BYSL: variants seen among roughly 807,000 people sequenced by gnomAD.
BYSL encodes the protein bystin like.
In BYSL, 21 loss-of-function variants were observed where a neutral mutation model predicts 45.4. The observed-to-expected ratio is 0.46, with a 90% confidence interval of 0.33 to 0.67. BYSL has a LOEUF of 0.67. Ranked by LOEUF, BYSL falls within the 30% of genes least tolerant of loss-of-function variation. BYSL has a pLI of 0.02. For missense variants in BYSL, 522 were observed against 578.5 expected, an observed-to-expected ratio of 0.90 and a Z score of 1.00; for synonymous variants, 215 against 231.3, an observed-to-expected ratio of 0.93 and a Z score of 0.64.
chr6:41,917,768 T>C, upstream of BYSL: 3 of 471,332 alleles, frequency 6.4e-6, no homozygotes, highest in Non-Finnish European at 4.4e-6. Flanking sequence ...AAGGGAAAAG[T>C]CTCCGTTTGG....
intron 1 of BYSL, among the ~76,000 whole-genome samples, chr6:41,924,093 G>A (rs1218390488): frequency 2.1e-5 from 3 of 145,098 alleles, no homozygotes; most frequent in Admixed American, 1.4e-4. Flanking sequence ...ACAGAGTCTC[G>A]CTCCGTCACC....
upstream of BYSL, among the ~76,000 whole-genome samples, chr6:41,919,739 G>A (rs1461855988): frequency 6.6e-6 from 1 of 152,112 alleles, no homozygotes; most frequent in East Asian, 1.9e-4. Context: ...AGACCTGCAT[G>A]TACAAAACAG....
chr6:41,909,248 C>G, the BYSL span: 60 of 1,608,656 alleles, frequency 3.7e-5, no homozygotes, highest in East Asian at 1.2e-3. Context: ...CATCCTGCTC[C>G]TATTTTCACC....
Position 41,932,781 on chromosome 6 carries a change from C to T in BYSL, c.*75C>T. ...CCCCCGTTGGTGACTGAAGATGACACTGAGCTTTAATGGCTGAAGACCCAG... is the reference window on the plus strand; with the variant it reads ...CCCCCGTTGGTGACTGAAGATGACATTGAGCTTTAATGGCTGAAGACCCAG... On this transcript the variant is annotated 3_prime_UTR_variant, in exon 7 of 7. Coordinates refer to ENST00000230340, the MANE Select transcript of BYSL (RefSeq NM_004053.4). The surrounding 1 kb of genome is among the most constrained non-coding windows in gnomAD (Gnocchi z 4.7). 2 of 1,454,586 alleles carry T rather than the reference C, an allele frequency of 1.4e-6. No homozygotes were observed. Among genetic ancestry groups the T allele is most frequent in the Non-Finnish European group, 1.9e-6 (2 of 1,073,566 alleles). The allele number at this position is 1,454,586 out of a possible 1,614,324, so 90.1% of individuals were successfully genotyped here. A position where few individuals can be genotyped will look rare whatever the true frequency, so the allele number is the denominator to read the frequency against.
chr6:41,918,491 C>A (rs1367895164), upstream of BYSL, among the ~76,000 whole-genome samples: 1 of 144,366 alleles, frequency 6.9e-6, no homozygotes, highest in Non-Finnish European at 1.5e-5. Context: ...ACAACAAGAG[C>A]GAAACTCCAT....
chr6:41,924,756 G>A (rs530964616), intron 1 of BYSL, among the ~76,000 whole-genome samples: 9 of 152,308 alleles, frequency 5.9e-5, no homozygotes, highest in East Asian at 3.9e-4. Context: ...GAAGGTGACC[G>A]TCTGCAGAGT....
intron 1 of BYSL, among the ~76,000 whole-genome samples, chr6:41,927,166 T>G (rs1036393546): frequency 2.0e-5 from 3 of 152,152 alleles, no homozygotes; most frequent in African/African-American, 7.2e-5. Context: ...CCATTGCTTT[T>G]CTTATTGTTT....
At chr6:41,928,843 G>A (rs576798793) in intron 2 of BYSL, among the ~76,000 whole-genome samples, 29 of 152,256 alleles carry the variant, frequency 1.9e-4, no homozygotes, top group South Asian at 8.3e-4. Flanking sequence ...ATAAGTTTCC[G>A]TGTCCTATAA....
the BYSL span, chr6:41,909,463 C>A: frequency 1.2e-6 from 2 of 1,614,254 alleles, no homozygotes; most frequent in Admixed American, 1.7e-5. Context: ...TCAAAGAGGG[C>A]GAAACAGCTC....
At chr6:41,917,047 G>A (rs200544611), upstream of BYSL, 97 of 1,168,168 alleles carry the variant, frequency 8.3e-5, no homozygotes, top group Admixed American at 5.2e-4. Flanking sequence ...AAGTTATCTT[G>A]GAAATTACCT....
Position 41,932,214 on chromosome 6 carries a change from T to G in BYSL, c.969-147T>G. The G allele has an allele frequency of 1.3e-6, 1 of 764,528 alleles. No individual in the cohort carries two copies. The highest frequency in any genetic ancestry group is 2.2e-6 in the Non-Finnish European group (1 of 460,880). The allele number at this position is 764,528 out of a possible 1,614,324, so 47.4% of individuals were successfully genotyped here. A position where few individuals can be genotyped will look rare whatever the true frequency, so the allele number is the denominator to read the frequency against. On this transcript the variant is annotated intron_variant, in intron 6 of 6. Transcript: ENST00000230340. The surrounding 1 kb of genome is among the most constrained non-coding windows in gnomAD (Gnocchi z 4.7). The stretch of plus-strand genomic sequence containing the variant: ...CTGAGGTCAAGGGAGTATAATATGA[T>G]TGTGTAGGTGAGAAGGTCCCTGGGG...
At chr6:41,922,924 T>C (rs1185625116) in intron 1 of BYSL, among the ~76,000 whole-genome samples, 1 of 152,142 alleles carries the variant, frequency 6.6e-6, no homozygotes, top group Non-Finnish European at 1.5e-5. Flanking sequence ...TTTAGACTCC[T>C]CTCTCTCCCT....
At chr6:41,920,231 T>G (rs913486461), upstream of BYSL, among the ~76,000 whole-genome samples, 5 of 152,150 alleles carry the variant, frequency 3.3e-5, no homozygotes, top group Admixed American at 3.3e-4. Context: ...CCTAAAGAGA[T>G]AAAGTGCCTG....
upstream of BYSL, chr6:41,917,745 T>C (rs1357986320): frequency 2.1e-6 from 1 of 470,964 alleles, no homozygotes; most frequent in Non-Finnish European, 4.4e-6. Flanking sequence ...ACTCTTTCAG[T>C]TCTGACTACA....
chr6:41,931,861 T>A (rs13198962), intron 6 of BYSL, 31 bp downstream of exon 6: 2 of 1,571,430 alleles, frequency 1.3e-6, no homozygotes, highest in Non-Finnish European at 1.8e-6. Context: ...AGGGGGCTGG[T>A]CAGTGGATAT....
At chr6:41,916,698 G>A, upstream of BYSL, 1 of 1,507,430 alleles carries the variant, frequency 6.6e-7, no homozygotes, top group Non-Finnish European at 9.1e-7. Flanking sequence ...ACCACCTTTA[G>A]CAGAAAAGCA....
In BYSL at chr6:41,932,588, A is replaced by C; in HGVS notation, c.1196A>C (p.Glu399Ala). ...GCCGACTTGGCCACAGACCAGAAAG[A>C]GGCCCTCTTAGAACTGCTCCGGCTG... Reference protein sequence around the residue: ...YKADLATDQKEALLELLRLQP... With the variant: ...YKADLATDQKAALLELLRLQP... The change falls in exon 7 of 7, where the codon GAG (glutamate) becomes GCG (alanine). Residue 399 changes from glutamate to alanine, a missense_variant. Glu to Ala is a moderately radical substitution (Grantham distance 107, BLOSUM62 -1). Transcript: ENST00000230340. The surrounding 1 kb of genome is among the most constrained non-coding windows in gnomAD (Gnocchi z 4.7). The C allele has an allele frequency of 6.2e-7, 1 of 1,614,198 alleles. No individual in the cohort carries two copies. Among genetic ancestry groups the C allele is most frequent in the Non-Finnish European group, 8.5e-7 (1 of 1,180,040 alleles).
upstream of BYSL, among the ~76,000 whole-genome samples, chr6:41,917,215 C>T (rs928004264): frequency 1.6e-4 from 25 of 152,020 alleles, no homozygotes; most frequent in African/African-American, 6.0e-4. Context: ...GCCTGGCCAA[C>T]ATGGTGAAAC....
At position 41,921,719 on chromosome 6, in the gene BYSL, C is replaced by G. The variant is rs779791479; in HGVS notation, c.157C>G (p.Arg53Gly). The G allele has an allele frequency of 3.1e-6, 5 of 1,613,342 alleles. No homozygotes were observed. The East Asian group carries it at 8.9e-5, about 29-fold the overall frequency. ...AGCGGAGGAAGAGTATGTGGGGCCC[C>G]GGCTGAGCCGACGGATTTTGCAGCA... ...GEAEEEYVGPRLSRRILQQAR... is the reference protein window; with the variant it reads ...GEAEEEYVGPGLSRRILQQAR... Residue 53 changes from arginine (R) to glycine (G), a missense_variant, in exon 1 of 7, where the codon CGG becomes GGG. By Grantham distance (125) the Arg-to-Gly change is moderately radical. Coordinates refer to ENST00000230340, the MANE Select transcript of BYSL (RefSeq NM_004053.4).
Sources: allele counts gnomAD v4.1 joint callset (sites outside exome capture counted in the v4.1 genomes callset), GRCh38; gene constraint gnomAD v4.1.1; non-coding constraint Gnocchi (gnomAD v3.1); transcripts MANE v1.5; gene names NCBI Gene and HGNC (gene_info 2026-07-23, HGNC 2026-07-21).